Variants in ITGA9 observed in about 807,000 individuals in gnomAD.
ITGA9 encodes integrin subunit alpha 9.
ITGA9 carries 56 observed loss-of-function variants against 127.8 expected under a neutral mutation model. The observed-to-expected ratio is 0.44, with a 90% CI of 0.35 to 0.55. The LOEUF is 0.55. ITGA9 is among the 20% of genes least tolerant of loss of function. The pLI, the probability that ITGA9 is intolerant of heterozygous loss-of-function variation, is 0.00. For missense variants in ITGA9, 1,196 were observed against 1,347.1 expected (o/e 0.89, Z 1.76); for synonymous variants, 508 against 514.5 (o/e 0.99, Z 0.17).
chr3:37,756,046 T>C (rs934699649), intron 23 of ITGA9, among the ~76,000 whole-genome samples: 2 of 151,678 alleles, frequency 1.3e-5, no homozygotes, highest in Non-Finnish European at 2.9e-5. Context: ...ATCAAAATAA[T>C]AATTAATGGA....
rs564497651 is a variant in ITGA9 at position 37,462,769 on chromosome 3, C to T, written c.186-8238C>T. Among the ~76,000 whole-genome samples the T allele has an allele frequency of 3.9e-5, 6 of 152,370 alleles. 1 individual carries two copies. In the South Asian group the frequency reaches 1.2e-3, roughly 32 times the overall value. The stretch of plus-strand genomic sequence containing the variant: ...TGCAGATAAAATACCATAATCTACT[C>T]TTGCAAATCAGGCCATCCTGGGGTG... On this transcript the variant is annotated intron_variant, in intron 1 of 27. Coordinates refer to ENST00000264741, the MANE Select transcript of ITGA9 (RefSeq NM_002207.3).
At chr3:37,803,279 T>C (rs933556840) in intron 26 of ITGA9, among the ~76,000 whole-genome samples, 1 of 152,250 alleles carries the variant, frequency 6.6e-6, no homozygotes, top group African/African-American at 2.4e-5. Context: ...TAAATCAGGG[T>C]TGTTGTCATT....
At chr3:37,725,163 G>C (rs984091292) in intron 18 of ITGA9, among the ~76,000 whole-genome samples, 3 of 152,206 alleles carry the variant, frequency 2.0e-5, no homozygotes, top group African/African-American at 7.2e-5. Flanking sequence ...CAACAGGAGT[G>C]CTTGCTTATG....
At chr3:37,607,753 A>G (rs1431639959) in intron 15 of ITGA9, among the ~76,000 whole-genome samples, 1 of 152,212 alleles carries the variant, frequency 6.6e-6, no homozygotes, top group Non-Finnish European at 1.5e-5. Flanking sequence ...TGTCACAGTA[A>G]TGAGTTGTGC....
chr3:37,555,037 G>A (rs184185919), intron 15 of ITGA9, among the ~76,000 whole-genome samples: 2 of 152,080 alleles, frequency 1.3e-5, no homozygotes, highest in Non-Finnish European at 2.9e-5. Context: ...AAGAGAGGGG[G>A]ACCAAGGGCT....
intron 5 of ITGA9, among the ~76,000 whole-genome samples, chr3:37,499,045 C>T (rs998711506): frequency 1.3e-5 from 2 of 152,242 alleles, no homozygotes; most frequent in Non-Finnish European, 2.9e-5. Context: ...CCTAAGGTGC[C>T]TGCTTGACCT....
At chr3:37,724,775 G>A (rs1701229115) in intron 18 of ITGA9, among the ~76,000 whole-genome samples, 1 of 152,162 alleles carries the variant, frequency 6.6e-6, no homozygotes, top group African/African-American at 2.4e-5. Flanking sequence ...TGGGATTACA[G>A]TCGTGAGCCA....
chr3:37,627,129 G>T (rs1038043473), intron 15 of ITGA9, among the ~76,000 whole-genome samples: 1 of 152,134 alleles, frequency 6.6e-6, no homozygotes, highest in Admixed American at 6.5e-5. Flanking sequence ...GAAACAATTT[G>T]TCCAAAGGCT....
chr3:37,461,245 A>T (rs1422057033), intron 1 of ITGA9, among the ~76,000 whole-genome samples: 1 of 152,194 alleles, frequency 6.6e-6, no homozygotes, highest in Non-Finnish European at 1.5e-5. Context: ...CACTGCTGAG[A>T]TGCACAAGTG....
intron 10 of ITGA9, among the ~76,000 whole-genome samples, chr3:37,518,668 C>T (rs1699011608): frequency 6.7e-6 from 1 of 150,216 alleles, no homozygotes; most frequent in East Asian, 1.9e-4. Context: ...TTTATATTTG[C>T]ATTTCTTTTA....
intron 26 of ITGA9, among the ~76,000 whole-genome samples, chr3:37,792,117 C>T (rs1233450048): frequency 1.3e-5 from 2 of 152,104 alleles, no homozygotes; most frequent in Non-Finnish European, 2.9e-5. Context: ...TCACCCACCT[C>T]CCCACATGTG....
intron 15 of ITGA9, among the ~76,000 whole-genome samples, chr3:37,594,814 A>T (rs1326341647): frequency 6.6e-6 from 1 of 152,172 alleles, no homozygotes; most frequent in Non-Finnish European, 1.5e-5. Context: ...GGGTCTCGCT[A>T]TGTTGCCCAG....
At chr3:37,555,392 G>C (rs933997667) in intron 15 of ITGA9, among the ~76,000 whole-genome samples, 4 of 152,238 alleles carry the variant, frequency 2.6e-5, no homozygotes, top group African/African-American at 9.6e-5. Flanking sequence ...ACATATGACT[G>C]TGAGCACTTA....
chr3:37,552,180 T>C (rs1699384641), intron 15 of ITGA9, among the ~76,000 whole-genome samples: 1 of 150,962 alleles, frequency 6.6e-6, no homozygotes, highest in African/African-American at 2.5e-5. Context: ...AGAGAATTCC[T>C]GTTTTGAGGA....
intron 4 of ITGA9, among the ~76,000 whole-genome samples, chr3:37,493,472 T>C (rs1698693046): frequency 6.6e-6 from 1 of 152,188 alleles, no homozygotes; most frequent in Admixed American, 6.5e-5. Context: ...ATGTGATTAA[T>C]TTGAGTCACT....
chr3:37,748,176 T>A (rs1246521765), intron 22 of ITGA9: 1 of 462,622 alleles, frequency 2.2e-6, no homozygotes, highest in East Asian at 5.6e-5. Flanking sequence ...TTAGAAAACA[T>A]GGAGTTGTTT....
intron 15 of ITGA9, among the ~76,000 whole-genome samples, chr3:37,600,078 G>GT (rs1699903155): frequency 6.6e-6 from 1 of 152,210 alleles, no homozygotes; most frequent in Non-Finnish European, 1.5e-5. Flanking sequence ...GAGGCTTTCA[G>GT]TAAACAGAAG....
chr3:37,504,565 G>C (rs187069428), intron 6 of ITGA9, among the ~76,000 whole-genome samples: 19 of 152,326 alleles, frequency 1.2e-4, no homozygotes, highest in African/African-American at 3.4e-4. Context: ...CTGGTGTATA[G>C]TAGTAACTCA....
intron 23 of ITGA9, among the ~76,000 whole-genome samples, chr3:37,758,259 C>G (rs1696678640): frequency 7.6e-6 from 1 of 131,596 alleles, no homozygotes. Context: ...GGAAGCGGAG[C>G]TTGCAGTGAG....
Sources: gnomAD v4.1 joint callset for allele counts (sites outside exome capture counted in the v4.1 genomes callset) on GRCh38, gnomAD v4.1.1 for gene constraint, MANE v1.5 for transcripts, NCBI Gene and HGNC (gene_info 2026-07-23, HGNC 2026-07-21) for gene names.